RBM47: variants seen among roughly 807,000 people sequenced by gnomAD.
RBM47 encodes the protein RNA binding motif protein 47.
In RBM47, 21 loss-of-function variants were observed where a neutral mutation model predicts 47.1. The observed-to-expected ratio is 0.45, with a 90% CI of 0.32 to 0.64. The LOEUF is 0.64. Ranked by LOEUF, RBM47 falls within the 30% of genes least tolerant of loss-of-function variation. RBM47 has a pLI of 0.05. For synonymous variants in RBM47, 375 were observed against 361.7 expected (o/e 1.04, Z -0.42); for missense variants, 708 against 870.9 (o/e 0.81, Z 2.35).
At chr4:40,458,975 T>TC (rs1370573247) in intron 3 of RBM47, among the ~76,000 whole-genome samples, 1 of 152,230 alleles carries the variant, frequency 6.6e-6, no homozygotes, top group African/African-American at 2.4e-5. Context: ...TATTGTGGGC[T>TC]CTTTTATCAA....
chr4:40,614,155 A>G (rs187641165), intron 1 of RBM47, among the ~76,000 whole-genome samples: 1 of 152,280 alleles, frequency 6.6e-6, no homozygotes, highest in African/African-American at 2.4e-5. Flanking sequence ...AATCTGTAAG[A>G]ACTTTGTAAG....
At chr4:40,471,498 G>A (rs866165567) in intron 2 of RBM47, among the ~76,000 whole-genome samples, 2 of 152,080 alleles carry the variant, frequency 1.3e-5, no homozygotes, top group Non-Finnish European at 2.9e-5. Context: ...AGGAGTTCGA[G>A]ACCAGCCTGG....
At chr4:40,448,286 AGTGTGT>A (rs1714867906) in intron 3 of RBM47, among the ~76,000 whole-genome samples, 1 of 150,394 alleles carries the variant, frequency 6.6e-6, no homozygotes, top group Non-Finnish European at 1.5e-5. Flanking sequence ...TGTGAGTGTG[AGTGTGT>A]GTGTTTGAGT....
intron 3 of RBM47, among the ~76,000 whole-genome samples, chr4:40,452,029 G>C (rs1715519387): frequency 6.6e-6 from 1 of 152,188 alleles, no homozygotes; most frequent in Non-Finnish European, 1.5e-5. Flanking sequence ...AATTAGCCGG[G>C]TGTGGTGGCA....
At chr4:40,519,499 G>A (rs937410896) in intron 2 of RBM47, among the ~76,000 whole-genome samples, 2 of 151,674 alleles carry the variant, frequency 1.3e-5, no homozygotes, top group Middle Eastern at 3.4e-3. Context: ...GTTTCTGCAT[G>A]TTGGTCAGGC....
intron 1 of RBM47, among the ~76,000 whole-genome samples, chr4:40,565,746 A>G (rs1010865694): frequency 6.6e-6 from 1 of 152,158 alleles, no homozygotes; most frequent in African/African-American, 2.4e-5. Context: ...GCACAGGAAC[A>G]AAGATAGAGA....
intron 3 of RBM47, among the ~76,000 whole-genome samples, chr4:40,451,922 C>A (rs1466998973): frequency 6.6e-6 from 1 of 152,120 alleles, no homozygotes; most frequent in African/African-American, 2.4e-5. Context: ...GTAATCCCAG[C>A]ACTTTGGGAG....
At chr4:40,585,937 G>A (rs1478699484) in intron 1 of RBM47, among the ~76,000 whole-genome samples, 1 of 152,242 alleles carries the variant, frequency 6.6e-6, no homozygotes, top group Non-Finnish European at 1.5e-5. Flanking sequence ...CTGGAAGCAG[G>A]TAAGCAGGAC....
At chr4:40,440,114 A>C (rs1713396485) in intron 3 of RBM47, among the ~76,000 whole-genome samples, 2 of 152,218 alleles carry the variant, frequency 1.3e-5, no homozygotes, top group South Asian at 4.1e-4. Context: ...ATACTTCTGT[A>C]ATGAAAGGCT....
chr4:40,600,846 G>T (rs374993579), intron 1 of RBM47, among the ~76,000 whole-genome samples: 1 of 151,216 alleles, frequency 6.6e-6, no homozygotes. Context: ...TTAGCCAGGC[G>T]TGGTGCCAGG....
At chr4:40,616,311 G>A (rs1292380051) in intron 1 of RBM47, among the ~76,000 whole-genome samples, 3 of 144,552 alleles carry the variant, frequency 2.1e-5, no homozygotes, top group Admixed American at 7.1e-5. Context: ...CCGAGATCGC[G>A]CCACTGCACT....
At chr4:40,574,093 G>A (rs935977158) in intron 1 of RBM47, among the ~76,000 whole-genome samples, 41 of 152,192 alleles carry the variant, frequency 2.7e-4, no homozygotes, top group Admixed American at 1.7e-3. Flanking sequence ...CTGACTGCAC[G>A]AGGTGGAAGA....
At chr4:40,434,002 G>GGTGTGTGTGTGT (rs1166329290) in intron 5 of RBM47, among the ~76,000 whole-genome samples, 1 of 45,632 alleles carries the variant, frequency 2.2e-5, no homozygotes, top group African/African-American at 5.2e-5. Context: ...GTGGGGCGGG[G>GGTGTGTGTGTGT]GTGTGTGTGT....
intron 2 of RBM47, among the ~76,000 whole-genome samples, chr4:40,517,114 TTCCTTCCTTCCC>T (rs929634076): frequency 1.6e-5 from 2 of 125,440 alleles, no homozygotes; most frequent in African/African-American, 6.0e-5. Flanking sequence ...CCTCCCCACC[TTCCTTCCTTCCC>T]TCCTTCCTTC....
intron 1 of RBM47, among the ~76,000 whole-genome samples, chr4:40,624,503 T>A (rs1371669897): frequency 6.6e-6 from 1 of 152,216 alleles, no homozygotes; most frequent in Non-Finnish European, 1.5e-5. Context: ...AACTAAATTC[T>A]AAGGTAAAGC....
chr4:40,487,420 G>T (rs1721250096), intron 2 of RBM47, among the ~76,000 whole-genome samples: 1 of 152,148 alleles, frequency 6.6e-6, no homozygotes, highest in South Asian at 2.1e-4. Flanking sequence ...CTCCTGAGTA[G>T]CTGGGTCTAC....
chr4:40,456,282 G>A (rs1041515676), intron 3 of RBM47, among the ~76,000 whole-genome samples: 10 of 152,076 alleles, frequency 6.6e-5, no homozygotes, highest in Non-Finnish European at 7.4e-5. Flanking sequence ...AGAGAAACCC[G>A]GGCATAATAT....
At chr4:40,518,755 T>A (rs1047739264) in intron 2 of RBM47, among the ~76,000 whole-genome samples, 1 of 151,922 alleles carries the variant, frequency 6.6e-6, no homozygotes, top group African/African-American at 2.4e-5. Context: ...AGAAGAATTG[T>A]CTTGGGCCAC....
chr4:40,503,401 A>C (rs1363613957), intron 2 of RBM47, among the ~76,000 whole-genome samples: 2 of 152,144 alleles, frequency 1.3e-5, no homozygotes, highest in Non-Finnish European at 2.9e-5. Flanking sequence ...GGAGGACAAG[A>C]GTGAAAGAGG....
Sources: gnomAD v4.1 joint callset for allele counts (sites outside exome capture counted in the v4.1 genomes callset) on GRCh38, gnomAD v4.1.1 for gene constraint, MANE v1.5 for transcripts, NCBI Gene and HGNC (gene_info 2026-07-23, HGNC 2026-07-21) for gene names.